Variants in DPP6 observed in about 807,000 individuals in gnomAD.
The protein encoded by DPP6 is A-type potassium channel modulatory protein DPP6.
In DPP6, 69 loss-of-function variants were observed where a neutral mutation model predicts 122.6. The ratio of observed to expected loss-of-function variants is 0.56; its 90% confidence interval spans 0.46 to 0.69. The LOEUF (loss-of-function observed/expected upper bound fraction) is 0.69, where lower values mean the gene tolerates loss of function less well. DPP6 is among the 30% of genes least tolerant of loss of function. The pLI, the probability that DPP6 is intolerant of heterozygous loss-of-function variation, is 0.00. For missense variants in DPP6, 928 were observed against 1,116.9 expected (o/e 0.83, Z 2.41); for synonymous variants, 418 against 433.1 (o/e 0.97, Z 0.43).
the DPP6 span, among the ~76,000 whole-genome samples, chr7:153,860,612 C>T: frequency 2.6e-5 from 4 of 151,210 alleles, no homozygotes; most frequent in African/African-American, 7.3e-5. Flanking sequence ...AGGTACTGCA[C>T]TATCCTTGGG....
intron 5 of DPP6, among the ~76,000 whole-genome samples, chr7:154,611,698 C>T (rs1833919063): frequency 1.3e-5 from 2 of 152,152 alleles, no homozygotes; most frequent in African/African-American, 4.8e-5. Flanking sequence ...TAATTGGAGA[C>T]TCACATGCAA....
intron 1 of DPP6, among the ~76,000 whole-genome samples, chr7:154,262,823 A>G (rs1803123961): frequency 6.6e-6 from 1 of 152,128 alleles, no homozygotes; most frequent in African/African-American, 2.4e-5. Context: ...CCAGCTGAGG[A>G]TAGCTTCTCG....
intron 8 of DPP6, among the ~76,000 whole-genome samples, chr7:154,737,614 C>A (rs774858321): frequency 5.3e-5 from 8 of 152,144 alleles, no homozygotes; most frequent in Non-Finnish European, 7.3e-5. Context: ...TATTAAGTGG[C>A]CTTTCTGTGG....
At chr7:154,175,189 C>T (rs1292743472) in intron 1 of DPP6, among the ~76,000 whole-genome samples, 2 of 152,074 alleles carry the variant, frequency 1.3e-5, no homozygotes, top group Non-Finnish European at 2.9e-5. Flanking sequence ...GTGTTGTTGG[C>T]AGAATTTTGG....
At chr7:154,325,569 T>C (rs544217436) in intron 1 of DPP6, among the ~76,000 whole-genome samples, 1 of 152,326 alleles carries the variant, frequency 6.6e-6, no homozygotes, top group South Asian at 2.1e-4. Context: ...CTGGAATCTC[T>C]CCTGTGATGG....
At chr7:153,830,455 A>G in the DPP6 span, among the ~76,000 whole-genome samples, 1 of 152,360 alleles carries the variant, frequency 6.6e-6, no homozygotes, top group Non-Finnish European at 1.5e-5. Flanking sequence ...CAGGTCTTTG[A>G]TTAATGGTCT....
rs181737132 is a variant in DPP6 at position 154,485,110 on chromosome 7, C to T, written c.457+10073C>T. On this transcript the variant is annotated intron_variant, in intron 3 of 25. Transcript: ENST00000377770. ...ATTGCAGAGAGTAATAAAGTCCCCT[C>T]GAGGGCACTTGGTACAGCAGCCTGT... is the stretch of plus-strand genomic sequence containing the variant. Among the ~76,000 whole-genome samples, 192 of 152,150 alleles carry T rather than the reference C, an allele frequency of 1.3e-3. 1 individual carries two copies. Among genetic ancestry groups the T allele is most frequent in the African/African-American group, 4.4e-3 (183 of 41,506 alleles).
At chr7:154,508,160 C>T (rs1190977930) in intron 3 of DPP6, among the ~76,000 whole-genome samples, 1 of 152,154 alleles carries the variant, frequency 6.6e-6, no homozygotes, top group South Asian at 2.1e-4. Flanking sequence ...GAACTCTTGC[C>T]TTCCAGCTTG....
At chr7:154,802,112 G>C (rs1164505861) in intron 13 of DPP6, among the ~76,000 whole-genome samples, 1 of 152,116 alleles carries the variant, frequency 6.6e-6, no homozygotes, top group Non-Finnish European at 1.5e-5. Context: ...GACTTTGGGG[G>C]ACTCTGCCCT....
chr7:154,545,071 A>G (rs1000004358), intron 4 of DPP6, among the ~76,000 whole-genome samples: 2 of 152,224 alleles, frequency 1.3e-5, no homozygotes, highest in Non-Finnish European at 2.9e-5. Context: ...AGGCACTCGC[A>G]GAACTCTAAA....
chr7:153,755,029 T>C, the DPP6 span, among the ~76,000 whole-genome samples: 5 of 150,934 alleles, frequency 3.3e-5, no homozygotes, highest in Admixed American at 6.7e-5. Context: ...GTTGACTGTA[T>C]TTTCTTCTCG....
intron 5 of DPP6, among the ~76,000 whole-genome samples, chr7:154,598,212 CT>C (rs2130764159): frequency 6.6e-6 from 1 of 152,292 alleles, no homozygotes; most frequent in South Asian, 2.1e-4. Context: ...ATATATGAAA[CT>C]GCTTGCGTTT....
intron 8 of DPP6, among the ~76,000 whole-genome samples, chr7:154,737,713 G>C (rs1285700304): frequency 6.6e-6 from 1 of 152,160 alleles, no homozygotes; most frequent in East Asian, 1.9e-4. Context: ...ATGAAATTAG[G>C]CTTGGGTCCA....
At chr7:154,774,031 TA>T (rs1563195140) in intron 10 of DPP6, among the ~76,000 whole-genome samples, 1 of 152,186 alleles carries the variant, frequency 6.6e-6, no homozygotes, top group Non-Finnish European at 1.5e-5. Flanking sequence ...TATAATGTTG[TA>T]AGATCCCCAA....
At chr7:154,357,533 T>A (rs1811368983) in intron 1 of DPP6, among the ~76,000 whole-genome samples, 1 of 152,244 alleles carries the variant, frequency 6.6e-6, no homozygotes, top group Admixed American at 6.5e-5. Flanking sequence ...TGTAATGTAT[T>A]CAGGCTCGAG....
chr7:154,056,870 C>G (rs1211031370), intron 1 of DPP6, among the ~76,000 whole-genome samples: 1 of 152,202 alleles, frequency 6.6e-6, no homozygotes, highest in Non-Finnish European at 1.5e-5. Context: ...TATTACTTTT[C>G]TTCTGTTTCA....
intron 21 of DPP6, chr7:154,884,889 ACATAT>A (rs1806009981): frequency 6.6e-6 from 1 of 152,470 alleles, no homozygotes; most frequent in African/African-American, 2.4e-5. Context: ...GTTTATACAC[ACATAT>A]CACACACACA....
At chr7:154,837,758 C>T (rs1471271707) in intron 16 of DPP6, among the ~76,000 whole-genome samples, 1 of 152,212 alleles carries the variant, frequency 6.6e-6, no homozygotes, top group Non-Finnish European at 1.5e-5. Flanking sequence ...TTCACTTCCA[C>T]AGCTGGTATG....
rs139994341 is a variant in DPP6, at chr7:154,490,219, A to G, written c.457+15182A>G. On this transcript the variant is annotated intron_variant, in intron 3 of 25. Coordinates refer to ENST00000377770, the MANE Select transcript of DPP6 (RefSeq NM_130797.4). ...ATGTTCACTAAATACAACGGTACCA[A>G]TTAAGTCTTCATAGGGTTGAACTTG... Among the ~76,000 whole-genome samples, 565 of 152,348 alleles carry G rather than the reference A, an allele frequency of 3.7e-3. 11 individuals are homozygous for G. The South Asian group carries it at 0.055, about 15-fold the overall frequency.
Sources: gnomAD v4.1 joint callset for allele counts (sites outside exome capture counted in the v4.1 genomes callset) on GRCh38, gnomAD v4.1.1 for gene constraint, MANE v1.5 for transcripts, NCBI Gene and HGNC (gene_info 2026-07-23, HGNC 2026-07-21) for gene names.